The following RGS5 variants were observed in gnomAD, a reference collection of about 807,000 sequenced individuals.
The protein encoded by RGS5 is regulator of G-protein signalling 5.
A neutral mutation model predicts 18.9 loss-of-function variants in RGS5; 20 were observed. The observed-to-expected ratio is 1.06, with a 90% CI of 0.74 to 1.54. The LOEUF is 1.54. RGS5 is among the 40% of genes most tolerant of loss of function. The probability of loss-of-function intolerance (pLI) is 0.00; values close to 1 mark genes in which losing one functional copy is unlikely to be tolerated. For synonymous variants in RGS5, 57 were observed against 76.2 expected, an observed-to-expected ratio of 0.75 and a Z score of 1.31; for missense variants, 201 against 211.8, an observed-to-expected ratio of 0.95 and a Z score of 0.32.
intron 2 of RGS5, among the ~76,000 whole-genome samples, chr1:163,288,270 A>G (rs185285786): frequency 2.0e-5 from 3 of 152,264 alleles, no homozygotes; most frequent in Non-Finnish European, 2.9e-5. Context: ...TAATCTGCCA[A>G]TGGACTTCAG....
chr1:163,283,001 G>A (rs907428658), intron 2 of RGS5, among the ~76,000 whole-genome samples: 4 of 152,102 alleles, frequency 2.6e-5, no homozygotes, highest in Non-Finnish European at 5.9e-5. Context: ...TGAGACTGGA[G>A]TACATTATGT....
chr1:163,202,665 C>A (rs1170240615), intron 1 of RGS5, 127 bp downstream of exon 1: 1 of 699,610 alleles, frequency 1.4e-6, no homozygotes, highest in African/African-American at 1.8e-5. Context: ...ACCCAATCTA[C>A]AGTCAAGCAC....
At chr1:163,247,600 ATG>A (rs1553223592) in intron 2 of RGS5, among the ~76,000 whole-genome samples, 8 of 150,770 alleles carry the variant, frequency 5.3e-5, no homozygotes, top group Non-Finnish European at 1.0e-4. Context: ...ATATATATAT[ATG>A]TATACGTATG....
At chr1:163,316,903 T>C (rs1341623811) in intron 1 of RGS5, among the ~76,000 whole-genome samples, 1 of 152,198 alleles carries the variant, frequency 6.6e-6, no homozygotes, top group African/African-American at 2.4e-5. Flanking sequence ...CAAATACTAA[T>C]TGAGTGTGCA....
rs371072338 is a variant in RGS5, at chr1:163,193,766, T to A, written c.44+9026A>T. On this transcript the variant is annotated intron_variant, in intron 1 of 4. Transcript: ENST00000313961. Reference sequence around the variant, plus strand: ...ATCTACCCAGATGGCAGATGAAAATTGGTTAATTATGTAAAGACCTGGAAA... The same window carrying A: ...ATCTACCCAGATGGCAGATGAAAATAGGTTAATTATGTAAAGACCTGGAAA... Among the ~76,000 whole-genome samples the A allele has an allele frequency of 2.6e-5, 4 of 152,226 alleles. No homozygotes were observed. In the East Asian group the frequency reaches 7.7e-4, roughly 29 times the overall value.
chr1:163,299,134 A>G (rs1255282723), intron 2 of RGS5, among the ~76,000 whole-genome samples: 2 of 152,220 alleles, frequency 1.3e-5, no homozygotes, highest in East Asian at 1.9e-4. Flanking sequence ...CATGTGAAAC[A>G]TGCAATTTAA....
At chr1:163,151,833 T>A (rs1168697145) in intron 4 of RGS5, among the ~76,000 whole-genome samples, 3 of 152,128 alleles carry the variant, frequency 2.0e-5, no homozygotes, top group East Asian at 1.9e-4. Context: ...ACATCACTTA[T>A]CTGGAATGCT....
At chr1:163,153,376 A>G (rs1657453646) in intron 3 of RGS5, among the ~76,000 whole-genome samples, 1 of 152,176 alleles carries the variant, frequency 6.6e-6, no homozygotes, top group Non-Finnish European at 1.5e-5. Flanking sequence ...GTAGTAACAG[A>G]GTCATAGGAG....
In RGS5 at chr1:163,143,927, T is replaced by A. The variant is rs932362847; in HGVS notation, c.*3415A>T. 2.0e-4 allele frequency: 30 copies of A among 152,212 alleles called. No homozygotes were observed. The highest frequency in any genetic ancestry group is 7.2e-4 in the African/African-American group (30 of 41,552). The allele number at this position is 152,212 out of a possible 1,614,324, so 9.4% of individuals were successfully genotyped here. ...CTTTGGAAAATAATTAACAGCTCCA[T>A]CCTATTGAAATGGCTTGTGTACAGA... On this transcript the variant is annotated 3_prime_UTR_variant, in exon 5 of 5. Coordinates refer to ENST00000313961, the MANE Select transcript of RGS5 (RefSeq NM_003617.4).
chr1:163,230,590 C>T (rs1647454806), intron 2 of RGS5, among the ~76,000 whole-genome samples: 1 of 152,136 alleles, frequency 6.6e-6, no homozygotes, highest in African/African-American at 2.4e-5. Flanking sequence ...CAACTCATGC[C>T]TTTCTTGTAG....
chr1:163,251,897 T>C (rs997956694), intron 2 of RGS5, among the ~76,000 whole-genome samples: 1 of 152,182 alleles, frequency 6.6e-6, no homozygotes, highest in Non-Finnish European at 1.5e-5. Context: ...TATTTAAACA[T>C]TCATTCATTG....
chr1:163,150,886 T>C (rs1015878570), intron 4 of RGS5, among the ~76,000 whole-genome samples: 3 of 152,172 alleles, frequency 2.0e-5, no homozygotes, highest in African/African-American at 7.2e-5. Context: ...AGAGCATCTG[T>C]GGTAGAGAAG....
chr1:163,192,948 T>G (rs1467847164), intron 1 of RGS5, among the ~76,000 whole-genome samples: 3 of 152,204 alleles, frequency 2.0e-5, no homozygotes, highest in Non-Finnish European at 2.9e-5. Flanking sequence ...CTTGATTCTT[T>G]CTAAACTTCC....
intron 1 of RGS5, among the ~76,000 whole-genome samples, chr1:163,313,124 T>C (rs1008726770): frequency 5.3e-5 from 8 of 152,222 alleles, no homozygotes; most frequent in Admixed American, 5.2e-4. Context: ...AATAGTTCAA[T>C]ATCAATTGGG....
chr1:163,318,936 C>G (rs1371550607), intron 1 of RGS5: 1 of 152,102 alleles, frequency 6.6e-6, no homozygotes, highest in Non-Finnish European at 1.5e-5. Flanking sequence ...TCTCAATTAA[C>G]TGGGAAAAAA....
At chr1:163,309,146 T>C (rs1285175548) in intron 1 of RGS5, among the ~76,000 whole-genome samples, 6 of 152,038 alleles carry the variant, frequency 3.9e-5, no homozygotes, top group Admixed American at 6.5e-5. Context: ...GCTGGGGAGA[T>C]AGAGGTTACA....
intron 1 of RGS5, among the ~76,000 whole-genome samples, chr1:163,312,522 T>C (rs191086909): frequency 6.6e-6 from 1 of 152,202 alleles, no homozygotes; most frequent in African/African-American, 2.4e-5. Flanking sequence ...GAATCCTAAA[T>C]GGAAAAGGAG....
chr1:163,217,712 T>A (rs936796945), upstream of RGS5: 9 of 1,341,580 alleles, frequency 6.7e-6, no homozygotes, highest in Middle Eastern at 1.9e-4. Flanking sequence ...GGAACCTTGA[T>A]GACATTGTTG....
chr1:163,197,707 T>C (rs551053091), intron 1 of RGS5, among the ~76,000 whole-genome samples: 2 of 152,294 alleles, frequency 1.3e-5, no homozygotes, highest in East Asian at 3.9e-4. Flanking sequence ...CTTAACATTC[T>C]AAAGTTTCAC....
Sources: allele counts gnomAD v4.1 joint callset (sites outside exome capture counted in the v4.1 genomes callset), GRCh38; gene constraint gnomAD v4.1.1; transcripts MANE v1.5; gene names NCBI Gene and HGNC (gene_info 2026-07-23, HGNC 2026-07-21).